The following ZNRF3 variants were observed in gnomAD, a reference collection of about 807,000 sequenced individuals.
ZNRF3 encodes the protein zinc and ring finger 3.
A neutral mutation model predicts 72.5 loss-of-function variants in ZNRF3; 23 were observed. The ratio of observed to expected loss-of-function variants is 0.32; its 90% CI spans 0.23 to 0.45. The LOEUF (loss-of-function observed/expected upper bound fraction) is 0.45, where lower values mean the gene tolerates loss of function less well. ZNRF3 is among the 20% of genes least tolerant of loss of function. The pLI, the probability that ZNRF3 is intolerant of heterozygous loss-of-function variation, is 1.00. For missense variants in ZNRF3, 1,169 were observed against 1,272.1 expected (o/e 0.92, Z 1.23); for synonymous variants, 610 against 545.3 (o/e 1.12, Z -1.65).
chr22:28,996,686 A>C (rs2036050308), intron 2 of ZNRF3, among the ~76,000 whole-genome samples: 1 of 152,260 alleles, frequency 6.6e-6, no homozygotes, highest in African/African-American at 2.4e-5. Flanking sequence ...CTGAAGTGTT[A>C]GTAATTTGAG....
intron 1 of ZNRF3, among the ~76,000 whole-genome samples, chr22:28,922,079 T>C (rs2034522184): frequency 6.6e-6 from 1 of 152,228 alleles, no homozygotes; most frequent in South Asian, 2.1e-4. Context: ...TTTTATACAG[T>C]ATTTTTAATA....
intron 2 of ZNRF3, among the ~76,000 whole-genome samples, chr22:29,001,038 C>T (rs919366618): frequency 6.1e-5 from 9 of 148,334 alleles, no homozygotes; most frequent in Admixed American, 3.4e-4. Context: ...ATCCTCCTGC[C>T]TTGGCCTCCC....
intron 1 of ZNRF3, among the ~76,000 whole-genome samples, chr22:28,967,925 CAAAAA>C (rs371787941): frequency 2.8e-5 from 2 of 70,616 alleles, no homozygotes; most frequent in Non-Finnish European, 3.1e-5. Flanking sequence ...CACCGTGTCT[CAAAAA>C]AAAAAAAAAA....
chr22:29,007,294 C>A (rs1370969700), intron 2 of ZNRF3, among the ~76,000 whole-genome samples: 1 of 152,140 alleles, frequency 6.6e-6, no homozygotes, highest in Non-Finnish European at 1.5e-5. Flanking sequence ...GGTTTCTCAT[C>A]ATTTGGGTAC....
At chr22:29,007,457 C>T (rs1475186986) in intron 2 of ZNRF3, among the ~76,000 whole-genome samples, 6 of 151,912 alleles carry the variant, frequency 3.9e-5, no homozygotes, top group African/African-American at 1.2e-4. Context: ...GGAAACATGG[C>T]GAGACCCCCA....
chr22:29,029,403 T>C (rs2123869190), intron 2 of ZNRF3, among the ~76,000 whole-genome samples: 1 of 152,348 alleles, frequency 6.6e-6, no homozygotes. Context: ...GTTTACCACC[T>C]GATTCAGCAA....
In ZNRF3 at chr22:29,056,939, T is replaced by C. The variant is rs1219836518; in HGVS notation, c.*3317T>C. 1 of 152,228 alleles carries C rather than the reference T, an allele frequency of 6.6e-6. No individual in the cohort carries two copies. Among genetic ancestry groups the C allele is most frequent in the Non-Finnish European group, 1.5e-5 (1 of 68,038 alleles). 9.4% of individuals were successfully genotyped at this position (152,228 alleles called of 1,614,324 possible). On this transcript the variant is annotated 3_prime_UTR_variant, in exon 9 of 9. Coordinates refer to ENST00000544604, the MANE Select transcript of ZNRF3 (RefSeq NM_001206998.2). ...TCGTGCAGGACTAATGCTTTTAAAA[T>C]GAGGTCTAAAAAATAATTACTAGTC... is the stretch of plus-strand genomic sequence containing the variant.
At chr22:28,885,569 A>G (rs111733309) in intron 1 of ZNRF3, among the ~76,000 whole-genome samples, 3 of 150,368 alleles carry the variant, frequency 2.0e-5, no homozygotes, top group African/African-American at 7.4e-5. Context: ...TGGTTTTAGA[A>G]ATGTTTGATT....
At chr22:29,012,453 G>A (rs1228719605) in intron 2 of ZNRF3, among the ~76,000 whole-genome samples, 1 of 152,218 alleles carries the variant, frequency 6.6e-6, no homozygotes, top group African/African-American at 2.4e-5. Context: ...GTATTCTCAA[G>A]GTCTTCGAAC....
At chr22:28,908,851 A>C (rs1489711417) in intron 1 of ZNRF3, among the ~76,000 whole-genome samples, 1 of 152,154 alleles carries the variant, frequency 6.6e-6, no homozygotes, top group Non-Finnish European at 1.5e-5. Context: ...AGTAGAGACC[A>C]TTGGTCCCCA....
intron 2 of ZNRF3, among the ~76,000 whole-genome samples, chr22:29,020,769 G>GTGTT (rs2036521725): frequency 1.5e-5 from 1 of 66,502 alleles, no homozygotes; most frequent in African/African-American, 3.7e-5. Flanking sequence ...GTTTTTGTGT[G>GTGTT]TGTGTGGGTG....
intron 1 of ZNRF3, among the ~76,000 whole-genome samples, chr22:28,961,787 T>C (rs906331764): frequency 1.3e-5 from 2 of 152,222 alleles, no homozygotes; most frequent in African/African-American, 4.8e-5. Flanking sequence ...TCACCGTTGC[T>C]ATTTGAGTTT....
chr22:28,918,491 C>T (rs148158647), intron 1 of ZNRF3, among the ~76,000 whole-genome samples: 23 of 148,926 alleles, frequency 1.5e-4, no homozygotes, highest in African/African-American at 5.0e-4. Flanking sequence ...TGGGTGCGTG[C>T]GTGTGTGTGT....
At chr22:28,939,997 A>G (rs918593702) in intron 1 of ZNRF3, among the ~76,000 whole-genome samples, 3 of 152,230 alleles carry the variant, frequency 2.0e-5, no homozygotes, top group African/African-American at 7.2e-5. Flanking sequence ...CTTAATCCTC[A>G]GGTCTTTCAC....
At chr22:28,942,435 C>T (rs1358860136) in intron 1 of ZNRF3, among the ~76,000 whole-genome samples, 1 of 152,170 alleles carries the variant, frequency 6.6e-6, no homozygotes, top group African/African-American at 2.4e-5. Flanking sequence ...AGCTTTTAGC[C>T]CCTTTCCTTC....
chr22:29,007,416 C>T (rs2036272348), intron 2 of ZNRF3, among the ~76,000 whole-genome samples: 2 of 152,148 alleles, frequency 1.3e-5, no homozygotes, highest in African/African-American at 2.4e-5. Flanking sequence ...GCAGGGGAAT[C>T]GCTTAAGGCC....
At chr22:28,930,221 A>T (rs1027861750) in intron 1 of ZNRF3, among the ~76,000 whole-genome samples, 5 of 152,050 alleles carry the variant, frequency 3.3e-5, no homozygotes, top group African/African-American at 1.2e-4. Context: ...ACTTATTTTC[A>T]TAGAATAAAA....
In ZNRF3 at chr22:28,994,952, C is replaced by G. The variant is rs529747303; in HGVS notation, c.426+7751C>G. ...TAGAATGTTATTCCCAAGGAGTGTT[C>G]TGGACAATCTAGGTACAATGAGGAC... On this transcript the variant is annotated intron_variant, in intron 2 of 8. Coordinates refer to ENST00000544604, the MANE Select transcript of ZNRF3 (RefSeq NM_001206998.2). Among the ~76,000 whole-genome samples, 3 of 152,278 alleles carry G rather than the reference C, an allele frequency of 2.0e-5. No individual in the cohort carries two copies. In the East Asian group the frequency reaches 5.8e-4, roughly 29 times the overall value.
chr22:28,929,543 T>G (rs2034668793), intron 1 of ZNRF3, among the ~76,000 whole-genome samples: 2 of 152,190 alleles, frequency 1.3e-5, no homozygotes, highest in Non-Finnish European at 2.9e-5. Flanking sequence ...TTCTAGAAAT[T>G]CTTCAGGACT....
Sources: allele counts gnomAD v4.1 joint callset (sites outside exome capture counted in the v4.1 genomes callset), GRCh38; gene constraint gnomAD v4.1.1; transcripts MANE v1.5; gene names NCBI Gene and HGNC (gene_info 2026-07-23, HGNC 2026-07-21).